Variants in ASNS observed in about 807,000 individuals in gnomAD.
ASNS encodes the protein asparagine synthetase [glutamine-hydrolyzing].
Under a neutral mutation model 62.6 loss-of-function variants are expected in ASNS, and 37 were observed. The ratio of observed to expected loss-of-function variants is 0.59; its 90% confidence interval spans 0.45 to 0.78. The LOEUF is 0.78. Ranked by LOEUF, ASNS falls within the 30% of genes least tolerant of loss-of-function variation. The pLI, the probability that ASNS is intolerant of heterozygous loss-of-function variation, is 0.00. For missense variants in ASNS, 520 were observed against 682.4 expected, an observed-to-expected ratio of 0.76 and a Z score of 2.65; for synonymous variants, 207 against 237.9, an observed-to-expected ratio of 0.87 and a Z score of 1.19.
Position 97,851,811 on chromosome 7 carries a change from T to C in ASNS, c.*448A>G, listed in dbSNP as rs1791195910. On this transcript the variant is annotated 3_prime_UTR_variant, in exon 13 of 13. Coordinates refer to ENST00000394308, the MANE Select transcript of ASNS (RefSeq NM_001673.5). ...AAAAATGAACTACTATCTTGCAAAATAGAGCTGTGATGAACTCCTATAGAA... is the reference window on the plus strand; with the variant it reads ...AAAAATGAACTACTATCTTGCAAAACAGAGCTGTGATGAACTCCTATAGAA... The C allele has an allele frequency of 6.4e-6, 1 of 156,504 alleles. No homozygotes were observed. The highest frequency in any genetic ancestry group is 2.0e-4 in the South Asian group (1 of 5,070). 9.7% of individuals were successfully genotyped at this position (156,504 alleles called of 1,614,324 possible).
intron 8 of ASNS, 31 bp downstream of exon 8, chr7:97,856,659 C>CT: frequency 6.6e-7 from 1 of 1,506,464 alleles, no homozygotes; most frequent in Non-Finnish European, 8.9e-7. Context: ...TTAAAAAAAG[C>CT]TTTTTATTTA....
At chr7:97,893,799 C>G in the ASNS span, among the ~76,000 whole-genome samples, 1 of 152,182 alleles carries the variant, frequency 6.6e-6, no homozygotes, top group African/African-American at 2.4e-5. Context: ...ATATCCTACT[C>G]TCAGCATTGG....
chr7:97,870,890 G>C (rs1198001539), intron 1 of ASNS, among the ~76,000 whole-genome samples: 1 of 152,068 alleles, frequency 6.6e-6, no homozygotes, highest in Non-Finnish European at 1.5e-5. Context: ...GGCATGTAAA[G>C]TACACTTATT....
the ASNS span, among the ~76,000 whole-genome samples, chr7:97,892,438 C>T: frequency 6.6e-6 from 1 of 152,156 alleles, no homozygotes; most frequent in Non-Finnish European, 1.5e-5. Flanking sequence ...GCAGCCAGAT[C>T]GAATTTTTCT....
upstream of ASNS, among the ~76,000 whole-genome samples, chr7:97,874,034 G>A (rs1792383879): frequency 6.6e-6 from 1 of 152,136 alleles, no homozygotes; most frequent in Non-Finnish European, 1.5e-5. Flanking sequence ...TATTAGGTGG[G>A]AATTTTCTCT....
At chr7:97,928,260 G>A in the ASNS span, 1 of 1,525,458 alleles carries the variant, frequency 6.6e-7, no homozygotes, top group Non-Finnish European at 8.8e-7. Flanking sequence ...CCTGCCTCGG[G>A]GCTTGCCAGT....
the ASNS span, among the ~76,000 whole-genome samples, chr7:97,894,145 A>C: frequency 6.6e-6 from 1 of 152,208 alleles, no homozygotes; most frequent in African/African-American, 2.4e-5. Context: ...GAAGAAATTA[A>C]GATGGACATC....
the ASNS span, among the ~76,000 whole-genome samples, chr7:97,910,130 C>G: frequency 6.6e-6 from 1 of 152,166 alleles, no homozygotes; most frequent in African/African-American, 2.4e-5. Context: ...CAACCCAGCT[C>G]CCAGAGCCAG....
intron 4 of ASNS, among the ~76,000 whole-genome samples, chr7:97,861,212 C>T (rs1370001294): frequency 6.6e-6 from 1 of 152,052 alleles, no homozygotes; most frequent in African/African-American, 2.4e-5. Context: ...CGGGGTTTCA[C>T]TGTGTTAGCC....
chr7:97,875,886 T>A (rs2115804690), upstream of ASNS, among the ~76,000 whole-genome samples: 1 of 152,032 alleles, frequency 6.6e-6, no homozygotes, highest in Middle Eastern at 3.4e-3. Context: ...AGACAGAGTC[T>A]TACTCTCTTG....
At chr7:97,904,937 A>G in the ASNS span, among the ~76,000 whole-genome samples, 1 of 152,134 alleles carries the variant, frequency 6.6e-6, no homozygotes, top group Non-Finnish European at 1.5e-5. Context: ...TGCTCTAATC[A>G]GATGATGAAA....
chr7:97,891,793 C>G, the ASNS span, among the ~76,000 whole-genome samples: 1 of 152,204 alleles, frequency 6.6e-6, no homozygotes, highest in Non-Finnish European at 1.5e-5. Context: ...GGCCACAGCT[C>G]CACTCCTGTG....
the ASNS span, among the ~76,000 whole-genome samples, chr7:97,893,756 T>TA: frequency 2.6e-5 from 4 of 152,242 alleles, no homozygotes; most frequent in East Asian, 3.8e-4. Context: ...CATGGAGAGA[T>TA]AGAGTCCAAT....
At chr7:97,904,488 C>G in the ASNS span, among the ~76,000 whole-genome samples, 1 of 152,022 alleles carries the variant, frequency 6.6e-6, no homozygotes, top group African/African-American at 2.4e-5. Context: ...TGCCCTAAGA[C>G]TAAGGTTAAT....
the ASNS span, among the ~76,000 whole-genome samples, chr7:97,905,393 C>T: frequency 6.6e-6 from 1 of 152,192 alleles, no homozygotes; most frequent in Admixed American, 6.5e-5. Flanking sequence ...CTGAATGATA[C>T]TGGAAGGAAT....
At chr7:97,902,550 A>C in the ASNS span, among the ~76,000 whole-genome samples, 134,145 of 151,844 alleles carry the variant, frequency 0.88, 59,314 homozygotes, top group Middle Eastern at 0.93. Flanking sequence ...TCCTCTCTAC[A>C]AAAAATAAAT....
the ASNS span, among the ~76,000 whole-genome samples, chr7:97,894,881 A>C: frequency 2.0e-5 from 3 of 152,246 alleles, no homozygotes; most frequent in Non-Finnish European, 2.9e-5. Context: ...TAAGGCCAGC[A>C]TTACCCTGAT....
In ASNS at chr7:97,854,222, A is replaced by C. The variant is rs112217967; in HGVS notation, c.1238+358T>G. ...GTTTACGATCTTTACTTCTCTTTAA[A>C]ACACTTAACGGTAGCTGCTGTAGCA... On this transcript the variant is annotated intron_variant, in intron 10 of 12. Transcript: ENST00000394308. Among the ~76,000 whole-genome samples the C allele has an allele frequency of 8.3e-3, 1,267 of 152,262 alleles. 19 individuals are homozygous for C. The highest frequency in any genetic ancestry group is 0.029 in the African/African-American group (1,197 of 41,538).
the ASNS span, among the ~76,000 whole-genome samples, chr7:97,882,903 G>C: frequency 1.3e-5 from 2 of 152,190 alleles, no homozygotes; most frequent in Non-Finnish European, 2.9e-5. Flanking sequence ...CCACATTTCT[G>C]CCAAATGATT....
Sources: gnomAD v4.1 joint callset for allele counts (sites outside exome capture counted in the v4.1 genomes callset) on GRCh38, gnomAD v4.1.1 for gene constraint, MANE v1.5 for transcripts, NCBI Gene and HGNC (gene_info 2026-07-23, HGNC 2026-07-21) for gene names.